The following OPHN1 variants were observed in gnomAD, a reference collection of about 807,000 sequenced individuals.
The protein encoded by OPHN1 is oligophrenin 1.
Under a neutral mutation model 60.7 loss-of-function variants are expected in OPHN1, and 11 were observed. That is an observed-to-expected ratio of 0.18 (90% CI 0.11 to 0.30). The LOEUF is 0.30. Among genes scored for constraint, OPHN1 ranks in the 10% least tolerant of loss-of-function variants. OPHN1 has a pLI of 1.00. For missense variants in OPHN1, 449 were observed against 611.0 expected (o/e 0.73, Z 2.80); for synonymous variants, 226 against 222.6 (o/e 1.02, Z -0.14).
chrX:68,391,520 C>A (rs1322659108), intron 2 of OPHN1, among the ~76,000 whole-genome samples: 1 of 110,847 alleles, frequency 9.0e-6, no homozygotes, highest in Non-Finnish European at 1.9e-5. Flanking sequence ...TTTTTTCTTC[C>A]AGAGATAGGG....
chrX:68,317,543 G>T (rs200057401), intron 2 of OPHN1, among the ~76,000 whole-genome samples: 1 of 40,247 alleles, frequency 2.5e-5, no homozygotes, highest in African/African-American at 1.8e-4. Flanking sequence ...AAGAAAAAAA[G>T]AAAGAAAGAA....
At chrX:68,064,467 T>C (rs898615570) in intron 20 of OPHN1, among the ~76,000 whole-genome samples, 1 of 111,891 alleles carries the variant, frequency 8.9e-6, no homozygotes, top group Non-Finnish European at 1.9e-5. Flanking sequence ...AATATGTCAC[T>C]CAAAAAAGAC....
intron 15 of OPHN1, among the ~76,000 whole-genome samples, chrX:68,129,671 A>G (rs2077186075): frequency 8.9e-6 from 1 of 112,448 alleles, no homozygotes; most frequent in South Asian, 3.7e-4. Context: ...ATAGAAAGTT[A>G]CAATGGCTTA....
chrX:68,211,600 G>A lies in OPHN1; in HGVS notation c.702+508C>T, dbSNP rs577044147. Among the ~76,000 whole-genome samples, 73 of 112,268 alleles carry A rather than the reference G, an allele frequency of 6.5e-4. No individual in the cohort carries two copies. In the South Asian group the frequency reaches 0.026, roughly 40 times the overall value. ...TAAAGGAATATATGTGAAAAGGATG[G>A]GAACACTATGCCTACATGCCCATCT... On this transcript the variant is annotated intron_variant, in intron 8 of 24. Transcript: ENST00000355520.
chrX:68,153,859 T>C (rs550727151), intron 15 of OPHN1, among the ~76,000 whole-genome samples: 2 of 111,995 alleles, frequency 1.8e-5, no homozygotes, highest in Admixed American at 9.5e-5. Context: ...ATTTATGATA[T>C]AGTGGTCATA....
Position 68,327,717 on chromosome X carries a change from C to A in OPHN1, c.155-28621G>T, listed in dbSNP as rs1415587690. On this transcript the variant is annotated intron_variant, in intron 2 of 24. Coordinates refer to ENST00000355520, the MANE Select transcript of OPHN1 (RefSeq NM_002547.3). ...TGTTTATCTGCTGACCTTCCCTCCA[C>A]TATTGTCCTATGACCCTGCCAAATC... 1.1e-4 allele frequency among the ~76,000 whole-genome samples: 8 copies of A among 73,337 alleles called. 1 individual carries two copies. Among genetic ancestry groups the A allele is most frequent in the African/African-American group, 5.0e-4 (8 of 15,849 alleles). The allele number at this position is 73,337 out of a possible 115,157, so 63.7% of individuals were successfully genotyped here.
chrX:68,196,993 G>A (rs1381556340), intron 12 of OPHN1, among the ~76,000 whole-genome samples, 193 bp downstream of exon 12: 1 of 111,553 alleles, frequency 9.0e-6, no homozygotes, highest in African/African-American at 3.3e-5. Context: ...GGTGGTCTCA[G>A]AAAAGTCCCT....
intron 2 of OPHN1, among the ~76,000 whole-genome samples, chrX:68,426,114 G>A (rs2078854163): frequency 9.0e-6 from 1 of 111,115 alleles, no homozygotes; most frequent in African/African-American, 3.3e-5. Context: ...TTACAGGCGT[G>A]AGTCACCAAG....
intron 15 of OPHN1, among the ~76,000 whole-genome samples, chrX:68,180,724 C>T (rs781582807): frequency 2.7e-5 from 3 of 111,850 alleles, no homozygotes; most frequent in South Asian, 3.7e-4. Flanking sequence ...ATTAATATGA[C>T]GTTTCTATTT....
chrX:68,256,518 T>C (rs2077864462), intron 5 of OPHN1, among the ~76,000 whole-genome samples: 2 of 111,682 alleles, frequency 1.8e-5, no homozygotes, highest in Non-Finnish European at 3.8e-5. Flanking sequence ...GGAATCTTAA[T>C]ATACAGGCAC....
At chrX:68,374,206 A>G (rs958534460) in intron 2 of OPHN1, among the ~76,000 whole-genome samples, 5 of 109,458 alleles carry the variant, frequency 4.6e-5, no homozygotes, top group Non-Finnish European at 5.7e-5. Flanking sequence ...AAATACAAAA[A>G]TTAGCTGGGC....
intron 9 of OPHN1, among the ~76,000 whole-genome samples, chrX:68,209,554 A>G (rs2077575058): frequency 1.8e-5 from 2 of 111,955 alleles, no homozygotes; most frequent in East Asian, 5.7e-4. Flanking sequence ...CAACAGAGCA[A>G]GATCCTGTCT....
rs553832326 is a variant in OPHN1 at position 68,245,372 on chromosome X, T to G, written c.385-10784A>C. Among the ~76,000 whole-genome samples, 8 of 112,365 alleles carry G rather than the reference T, an allele frequency of 7.1e-5. No individual in the cohort carries two copies. The South Asian group carries it at 1.8e-3, about 26-fold the overall frequency. ...TATGTTCCCCAAATATGCCACACTT[T>G]TTCATACTGTGCTTTTTGTTCATAT... On this transcript the variant is annotated intron_variant, in intron 5 of 24. Transcript: ENST00000355520.
chrX:68,116,662 GC>G (rs2077128571), intron 16 of OPHN1, among the ~76,000 whole-genome samples: 1 of 111,327 alleles, frequency 9.0e-6, no homozygotes, highest in Non-Finnish European at 1.9e-5. Flanking sequence ...TTAATATTGT[GC>G]CCTGATTTCT....
chrX:68,368,666 A>G (rs750036725), intron 2 of OPHN1, among the ~76,000 whole-genome samples: 13 of 111,999 alleles, frequency 1.2e-4, no homozygotes, highest in African/African-American at 3.9e-4. Flanking sequence ...TATAAGTGCA[A>G]TGCAAGTCTG....
At chrX:68,357,823 G>A (rs772150350) in intron 2 of OPHN1, among the ~76,000 whole-genome samples, 17 of 110,635 alleles carry the variant, frequency 1.5e-4, no homozygotes, top group African/African-American at 5.2e-4. Context: ...CTGAGGAATC[G>A]CCACACTGAC....
intron 2 of OPHN1, among the ~76,000 whole-genome samples, chrX:68,402,384 AG>A (rs2078719845): frequency 2.1e-5 from 1 of 47,550 alleles, no homozygotes; most frequent in Non-Finnish European, 8.1e-5. Flanking sequence ...AGAAGAAGAG[AG>A]AAAGAAGAGA....
chrX:68,362,683 C>T lies in OPHN1; in HGVS notation c.155-63587G>A, dbSNP rs549206183. Among the ~76,000 whole-genome samples, 8 of 110,749 alleles carry T rather than the reference C, an allele frequency of 7.2e-5. No individual in the cohort carries two copies. In the South Asian group the frequency reaches 3.1e-3, roughly 43 times the overall value. On this transcript the variant is annotated intron_variant, in intron 2 of 24. Transcript: ENST00000355520. ...ACGGGGTTGGGGGTGGGGTTTACAG[C>T]ACTGAAACTATTCTGTATGATACTG...
At chrX:68,366,937 G>C (rs1415145958) in intron 2 of OPHN1, among the ~76,000 whole-genome samples, 2 of 111,571 alleles carry the variant, frequency 1.8e-5, no homozygotes, top group Non-Finnish European at 3.8e-5. Flanking sequence ...ACTAGTTCAA[G>C]GTTACAGAGT....
Sources: gnomAD v4.1 joint callset for allele counts (sites outside exome capture counted in the v4.1 genomes callset) on GRCh38, gnomAD v4.1.1 for gene constraint, MANE v1.5 for transcripts, NCBI Gene and HGNC (gene_info 2026-07-23, HGNC 2026-07-21) for gene names.